Variants in MGAT5 observed in about 807,000 individuals in gnomAD.
MGAT5 encodes the protein alpha-1,6-mannosylglycoprotein 6-beta-N-acetylglucosaminyltransferase A.
Under a neutral mutation model 94.3 loss-of-function variants are expected in MGAT5, and 30 were observed. The ratio of observed to expected loss-of-function variants is 0.32; its 90% confidence interval spans 0.24 to 0.43. MGAT5 has a LOEUF of 0.43. Ranked by LOEUF, MGAT5 falls within the 20% of genes least tolerant of loss-of-function variation. The pLI is 1.00. For missense variants in MGAT5, 691 were observed against 905.5 expected (o/e 0.76, Z 3.04); for synonymous variants, 310 against 322.9 (o/e 0.96, Z 0.43).
chr2:134,329,785 A>G (rs1435781025), intron 4 of MGAT5, among the ~76,000 whole-genome samples: 1 of 151,574 alleles, frequency 6.6e-6, no homozygotes, highest in Admixed American at 6.6e-5. Context: ...CTCCCAGCCC[A>G]CTCCCCCTAC....
intron 10 of MGAT5, among the ~76,000 whole-genome samples, chr2:134,375,932 G>A (rs1681141429): frequency 6.6e-6 from 1 of 152,198 alleles, no homozygotes; most frequent in Non-Finnish European, 1.5e-5. Flanking sequence ...AGAGGTGAGA[G>A]TCAGTACAGG....
chr2:134,224,091 T>C (rs1680930356), intron 1 of MGAT5, among the ~76,000 whole-genome samples: 1 of 152,242 alleles, frequency 6.6e-6, no homozygotes, highest in African/African-American at 2.4e-5. Context: ...GGAAATGCCA[T>C]TTACAAACTG....
chr2:134,345,137 G>GA, intron 8 of MGAT5, 73 bp downstream of exon 8: 2 of 1,482,576 alleles, frequency 1.3e-6, no homozygotes, highest in East Asian at 4.6e-5. Flanking sequence ...GTTGTGGGTA[G>GA]AAAAAGCTTA....
intron 2 of MGAT5, among the ~76,000 whole-genome samples, chr2:134,299,989 G>A (rs897636149): frequency 5.9e-5 from 9 of 152,112 alleles, no homozygotes; most frequent in African/African-American, 2.2e-4. Flanking sequence ...GAAAGCTTTA[G>A]TGATTACTCT....
chr2:134,120,170 C>G (rs1156244996), upstream of MGAT5: 2 of 173,238 alleles, frequency 1.2e-5, no homozygotes, highest in Non-Finnish European at 1.2e-5. Context: ...GCGGCGGCCC[C>G]GGGCGCGATC....
At chr2:134,190,948 C>T (rs1336823920) in intron 1 of MGAT5, among the ~76,000 whole-genome samples, 9 of 152,134 alleles carry the variant, frequency 5.9e-5, no homozygotes, top group Non-Finnish European at 1.2e-4. Context: ...TGCACCCAGT[C>T]AGCTATTTAA....
At chr2:134,167,556 C>T (rs967056969) in intron 1 of MGAT5, among the ~76,000 whole-genome samples, 1 of 152,150 alleles carries the variant, frequency 6.6e-6, no homozygotes, top group East Asian at 1.9e-4. Flanking sequence ...TCGGGGTCTA[C>T]ACTTTGAGAA....
At chr2:134,298,204 T>G (rs898285084) in intron 2 of MGAT5, among the ~76,000 whole-genome samples, 14 of 152,150 alleles carry the variant, frequency 9.2e-5, no homozygotes, top group African/African-American at 3.4e-4. Flanking sequence ...CAAGCAATTC[T>G]CCTACCTCAG....
At chr2:134,236,474 A>AC (rs1038898064) in intron 1 of MGAT5, among the ~76,000 whole-genome samples, 1 of 151,918 alleles carries the variant, frequency 6.6e-6, no homozygotes, top group African/African-American at 2.4e-5. Flanking sequence ...AATCACAGAG[A>AC]CGGTTACCCT....
At chr2:134,346,444 G>T (rs1309720227) in intron 8 of MGAT5, among the ~76,000 whole-genome samples, 1 of 152,110 alleles carries the variant, frequency 6.6e-6, no homozygotes, top group African/African-American at 2.4e-5. Flanking sequence ...CAGGAGGTCT[G>T]TTAGTGCTTT....
In MGAT5 at chr2:134,237,814, G is replaced by A. The variant is rs542349481; in HGVS notation, c.-142-16448G>A. On this transcript the variant is annotated intron_variant, in intron 1 of 16. Transcript: ENST00000409645. Reference sequence around the variant, plus strand: ...CACTCAGGTTGGAGTGCAGTGGTGCGATCTTGGCTCACCGCAGCCTCTGCC... The same window carrying A: ...CACTCAGGTTGGAGTGCAGTGGTGCAATCTTGGCTCACCGCAGCCTCTGCC... 4.5e-4 allele frequency among the ~76,000 whole-genome samples: 68 copies of A among 149,976 alleles called. 3 individuals carry two copies. Among genetic ancestry groups the A allele is most frequent in the African/African-American group, 1.3e-3 (53 of 40,614 alleles).
At chr2:134,300,065 G>A (rs1262537973) in intron 2 of MGAT5, among the ~76,000 whole-genome samples, 1 of 152,214 alleles carries the variant, frequency 6.6e-6, no homozygotes, top group African/African-American at 2.4e-5. Context: ...GAGCAGAACA[G>A]AAGTAAAGTG....
chr2:134,407,463 G>C (rs1394014536), intron 11 of MGAT5, among the ~76,000 whole-genome samples: 1 of 152,118 alleles, frequency 6.6e-6, no homozygotes, highest in East Asian at 1.9e-4. Flanking sequence ...TAACCTGTCT[G>C]ACTTTCAGAG....
chr2:134,216,357 G>C (rs1284241295), intron 1 of MGAT5, among the ~76,000 whole-genome samples: 1 of 152,188 alleles, frequency 6.6e-6, no homozygotes, highest in Non-Finnish European at 1.5e-5. Context: ...TTCAGGTTTT[G>C]AGTGGGAAAT....
chr2:134,300,823 T>C (rs750288846), intron 2 of MGAT5, among the ~76,000 whole-genome samples: 2 of 152,178 alleles, frequency 1.3e-5, no homozygotes, highest in Non-Finnish European at 2.9e-5. Flanking sequence ...AAAGGAAAAT[T>C]GTCCTTCATC....
chr2:134,342,672 A>G (rs1688700902), intron 7 of MGAT5, among the ~76,000 whole-genome samples: 1 of 150,960 alleles, frequency 6.6e-6, no homozygotes, highest in African/African-American at 2.4e-5. Flanking sequence ...GTGAGCCGAG[A>G]TCATGCCACT....
chr2:134,304,239 A>G (rs1279822898), intron 2 of MGAT5, among the ~76,000 whole-genome samples: 1 of 152,146 alleles, frequency 6.6e-6, no homozygotes, highest in Non-Finnish European at 1.5e-5. Context: ...GTTAGGTACA[A>G]TATACAATAA....
intron 2 of MGAT5, among the ~76,000 whole-genome samples, chr2:134,278,103 A>G (rs1684488332): frequency 6.6e-6 from 1 of 152,198 alleles, no homozygotes; most frequent in African/African-American, 2.4e-5. Flanking sequence ...GGTATTGGAT[A>G]CTGTCAGAAG....
chr2:134,215,068 G>A (rs1397587743), intron 1 of MGAT5, among the ~76,000 whole-genome samples: 3 of 152,156 alleles, frequency 2.0e-5, no homozygotes, highest in African/African-American at 7.2e-5. Flanking sequence ...TCAGTATTAT[G>A]TTTGTGAAAT....
Sources: gnomAD v4.1 joint callset for allele counts (sites outside exome capture counted in the v4.1 genomes callset) on GRCh38, gnomAD v4.1.1 for gene constraint, MANE v1.5 for transcripts, NCBI Gene and HGNC (gene_info 2026-07-23, HGNC 2026-07-21) for gene names.